Variants in SLC9B2 observed in about 807,000 individuals in gnomAD.
SLC9B2 encodes solute carrier family 9 member B2, also known as sodium/hydrogen exchanger 9B2.
SLC9B2 carries 39 observed loss-of-function variants against 52.2 expected under a neutral mutation model. That is an observed-to-expected ratio of 0.75 (90% CI 0.58 to 0.98). SLC9B2 has a LOEUF of 0.98. Among genes scored for constraint, SLC9B2 ranks in the 50% least tolerant of loss-of-function variants. The probability of loss-of-function intolerance (pLI) is 0.00; values close to 1 mark genes in which losing one functional copy is unlikely to be tolerated. For synonymous variants in SLC9B2, 214 were observed against 227.0 expected (o/e 0.94, Z 0.51); for missense variants, 626 against 637.5 (o/e 0.98, Z 0.19).
chr4:103,027,691 C>A (rs781737256), intron 11 of SLC9B2, among the ~76,000 whole-genome samples: 1 of 152,058 alleles, frequency 6.6e-6, no homozygotes, highest in Non-Finnish European at 1.5e-5. Context: ...ACATGAATGA[C>A]CCCTTTCCCT....
chr4:103,049,131 T>C, intron 5 of SLC9B2, 111 bp from the exon 6 acceptor site: 1 of 1,264,108 alleles, frequency 7.9e-7, no homozygotes, highest in Non-Finnish European at 1.1e-6. Flanking sequence ...ATCATGAGTT[T>C]TCAAGGTAAT....
intron 3 of SLC9B2, among the ~76,000 whole-genome samples, chr4:103,064,294 CAAT>C (rs1745910297): frequency 6.6e-6 from 1 of 152,124 alleles, no homozygotes; most frequent in African/African-American, 2.4e-5. Context: ...TGTATATACA[CAAT>C]GATATGCTTT....
chr4:103,057,491 A>G (rs1239849621), intron 4 of SLC9B2, among the ~76,000 whole-genome samples: 1 of 151,808 alleles, frequency 6.6e-6, no homozygotes, highest in Non-Finnish European at 1.5e-5. Flanking sequence ...TTTTTTGTAG[A>G]GACAGGGTTT....
At chr4:103,072,997 T>G (rs1263988782) in intron 1 of SLC9B2, among the ~76,000 whole-genome samples, 2 of 152,114 alleles carry the variant, frequency 1.3e-5, no homozygotes, top group African/African-American at 4.8e-5. Flanking sequence ...CCTTCCACCA[T>G]CTGAGAACAC....
chr4:103,047,087 C>T lies in SLC9B2; in HGVS notation c.853G>A (p.Gly285Ser). The change falls in exon 7 of 12, where the codon GGC becomes AGC. Residue 285 changes from glycine to serine, a missense_variant. Gly to Ser is a moderately conservative substitution (Grantham distance 56). Transcript: ENST00000394785. ...GSFDDILAIT[G>S]FNTCLGIAFS... ...GCTATGCCCAAGCATGTGTTGAAGC[C>T]AGTGATGGCCAGAATGTCATCGAAG... 2 of 1,614,002 alleles carry T rather than the reference C, an allele frequency of 1.2e-6. No individual in the cohort carries two copies. Among genetic ancestry groups the T allele is most frequent in the Non-Finnish European group, 1.7e-6 (2 of 1,179,920 alleles).
chr4:103,057,323 T>C (rs113913930), intron 4 of SLC9B2, among the ~76,000 whole-genome samples: 2,711 of 150,538 alleles, frequency 0.018, 81 homozygotes, highest in African/African-American at 0.061. Flanking sequence ...AACACAAACA[T>C]ATTTTGAGAC....
intron 9 of SLC9B2, among the ~76,000 whole-genome samples, chr4:103,043,015 C>G (rs1049202499): frequency 6.6e-6 from 1 of 151,098 alleles, no homozygotes; most frequent in South Asian, 2.1e-4. Context: ...CTAGAAACAA[C>G]GTAAATATCT....
chr4:103,062,979 G>T (rs1010532951), intron 3 of SLC9B2, among the ~76,000 whole-genome samples: 1 of 152,204 alleles, frequency 6.6e-6, no homozygotes, highest in African/African-American at 2.4e-5. Flanking sequence ...AAGTCGTCTT[G>T]TAAACCTCTG....
chr4:103,069,113 T>C (rs1560562062), intron 1 of SLC9B2, among the ~76,000 whole-genome samples: 1 of 152,174 alleles, frequency 6.6e-6, no homozygotes, highest in African/African-American at 2.4e-5. Context: ...TATATAATTT[T>C]TTAAATTAAA....
chr4:103,049,027 T>C lies in SLC9B2; in HGVS notation c.586-7A>G, dbSNP rs1245872799. The C allele has an allele frequency of 2.5e-6, 4 of 1,612,112 alleles. No homozygotes were observed. Among genetic ancestry groups the C allele is most frequent in the Non-Finnish European group, 3.4e-6 (4 of 1,179,064 alleles). Reference sequence around the variant, plus strand: ...CCTTTAACTTCTTCAGGGCCTGAAATAGAAAAGTAGACATCCTAATATAAT... The same window carrying C: ...CCTTTAACTTCTTCAGGGCCTGAAACAGAAAAGTAGACATCCTAATATAAT... On this transcript the variant is annotated splice_polypyrimidine_tract_variant and splice_region_variant and intron_variant, in intron 5 of 11. Transcript: ENST00000394785.
intron 1 of SLC9B2, among the ~76,000 whole-genome samples, chr4:103,071,378 A>AC (rs1746618592): frequency 1.1e-5 from 1 of 90,274 alleles, no homozygotes; most frequent in African/African-American, 3.8e-5. Flanking sequence ...TAATTTTTGT[A>AC]TTTTTTTTTT....
downstream of SLC9B2, among the ~76,000 whole-genome samples, chr4:103,020,566 T>C (rs2110555873): frequency 6.6e-6 from 1 of 152,338 alleles, no homozygotes; most frequent in Non-Finnish European, 1.5e-5. Context: ...TTCTTTTTCT[T>C]AGTCATCATC....
chr4:103,062,174 G>A (rs1252564250), intron 3 of SLC9B2, among the ~76,000 whole-genome samples: 3 of 152,042 alleles, frequency 2.0e-5, no homozygotes, highest in East Asian at 1.9e-4. Flanking sequence ...TAATCCCAGC[G>A]CTTTGGGAGA....
chr4:103,071,659 G>A (rs1746650785), intron 1 of SLC9B2, among the ~76,000 whole-genome samples: 1 of 151,982 alleles, frequency 6.6e-6, no homozygotes, highest in Non-Finnish European at 1.5e-5. Context: ...TTACAGGTGT[G>A]AGCTACCACA....
At chr4:103,035,246 G>C (rs1320930328) in intron 9 of SLC9B2, among the ~76,000 whole-genome samples, 2 of 152,194 alleles carry the variant, frequency 1.3e-5, no homozygotes, top group Non-Finnish European at 1.5e-5. Context: ...TTGGTTTTCT[G>C]TTTCTGTGTT....
intron 11 of SLC9B2, among the ~76,000 whole-genome samples, chr4:103,027,950 T>G (rs1742370960): frequency 6.6e-6 from 1 of 152,192 alleles, no homozygotes; most frequent in African/African-American, 2.4e-5. Flanking sequence ...ATTGGAATAT[T>G]TAATTATAAA....
At chr4:103,064,369 T>G (rs1170522383) in intron 3 of SLC9B2, among the ~76,000 whole-genome samples, 1 of 152,170 alleles carries the variant, frequency 6.6e-6, no homozygotes, top group African/African-American at 2.4e-5. Flanking sequence ...CTGGAGGACA[T>G]TATGCTAAGT....
chr4:103,066,689 T>A (rs968333259), intron 2 of SLC9B2, among the ~76,000 whole-genome samples, 182 bp from the exon 3 acceptor site: 2 of 152,064 alleles, frequency 1.3e-5, no homozygotes, highest in Admixed American at 6.5e-5. Context: ...ATACTAGGAG[T>A]ATTTAGCACA....
At chr4:103,074,448 CCT>C (rs1226298850) in intron 1 of SLC9B2, among the ~76,000 whole-genome samples, 2 of 152,174 alleles carry the variant, frequency 1.3e-5, no homozygotes, top group Non-Finnish European at 1.5e-5. Flanking sequence ...TGATGAGGAA[CCT>C]CTGTCTTACA....
Sources: gnomAD v4.1 joint callset for allele counts (sites outside exome capture counted in the v4.1 genomes callset) on GRCh38, gnomAD v4.1.1 for gene constraint, MANE v1.5 for transcripts, NCBI Gene and HGNC (gene_info 2026-07-23, HGNC 2026-07-21) for gene names.